ZBTB20: variants seen among roughly 807,000 people sequenced by gnomAD.
ZBTB20 encodes zinc finger and BTB domain containing 20, also known as zinc finger and BTB domain-containing protein 20.
A neutral mutation model predicts 56.9 loss-of-function variants in ZBTB20; 9 were observed. That is an observed-to-expected ratio of 0.16 (90% CI 0.10 to 0.28). The LOEUF (loss-of-function observed/expected upper bound fraction) is 0.28. ZBTB20 is among the 10% of genes least tolerant of loss of function. The pLI, the probability that ZBTB20 is intolerant of heterozygous loss-of-function variation, is 1.00. For synonymous variants in ZBTB20, 417 were observed against 420.7 expected (o/e 0.99, Z 0.11); for missense variants, 655 against 1,003.0 (o/e 0.65, Z 4.69).
rs1468645963 is a variant in ZBTB20, at chr3:115,061,723, C to T, written c.-507+9496G>A. ...AAATTAGAGTGTTCTTGTACACACA[C>T]ACAAGAGACCAAAAAAAATCAGAAC... is the stretch of plus-strand genomic sequence containing the variant. On this transcript the variant is annotated intron_variant, in intron 2 of 11. Transcript: ENST00000675478. 3.9e-5 allele frequency among the ~76,000 whole-genome samples: 6 copies of T among 152,036 alleles called. No individual in the cohort carries two copies. In the East Asian group the frequency reaches 1.2e-3, roughly 29 times the overall value.
chr3:114,386,447 A>C (rs2085136517), intron 8 of ZBTB20, among the ~76,000 whole-genome samples: 3 of 152,172 alleles, frequency 2.0e-5, no homozygotes, highest in Admixed American at 2.0e-4. Context: ...AAGGGACCTC[A>C]AGAGAGATAG....
At chr3:115,025,941 T>G (rs1310978272) in intron 2 of ZBTB20, among the ~76,000 whole-genome samples, 3 of 150,406 alleles carry the variant, frequency 2.0e-5, no homozygotes, top group Non-Finnish European at 4.5e-5. Flanking sequence ...TATACTAAAA[T>G]ACAGTACTAA....
intron 1 of ZBTB20, among the ~76,000 whole-genome samples, chr3:115,140,454 AT>A (rs2084780495): frequency 6.6e-6 from 1 of 152,118 alleles, no homozygotes; most frequent in Non-Finnish European, 1.5e-5. Flanking sequence ...TTTATGCTTT[AT>A]CTTAAATCAA....
chr3:114,892,589 T>C (rs1403672823), intron 4 of ZBTB20, among the ~76,000 whole-genome samples: 1 of 152,138 alleles, frequency 6.6e-6, no homozygotes, highest in East Asian at 1.9e-4. Flanking sequence ...GGATATAAGA[T>C]CTGGAGTGCT....
chr3:114,821,752 T>C (rs1185072231), intron 4 of ZBTB20, among the ~76,000 whole-genome samples: 2 of 152,094 alleles, frequency 1.3e-5, no homozygotes, highest in African/African-American at 4.8e-5. Flanking sequence ...GTGACATAGC[T>C]GATGGGTTAC....
chr3:114,439,717 C>T (rs2108950186), intron 7 of ZBTB20, among the ~76,000 whole-genome samples: 1 of 152,246 alleles, frequency 6.6e-6, no homozygotes, highest in South Asian at 2.1e-4. Context: ...TTGGCAGATG[C>T]CTAGGATGTC....
rs762420066 is a variant in ZBTB20, at chr3:114,380,866, G to A, written c.-79C>T. 1.4e-5 allele frequency: 18 copies of A among 1,314,104 alleles called. No individual in the cohort carries two copies. The highest frequency in any genetic ancestry group is 8.8e-5 in the South Asian group (5 of 56,624). The allele number at this position is 1,314,104 out of a possible 1,614,324, so 81.4% of individuals were successfully genotyped here. On this transcript the variant is annotated 5_prime_UTR_variant, in exon 9 of 12. The change creates a new upstream start codon in the 5' untranslated region. Transcript: ENST00000675478. Reference sequence around the variant, plus strand: ...TGGGAGTCAGGAGACTTGAGCTACCGTACTAGCTGTGCCTCTAACTTGCTG... The same window carrying A: ...TGGGAGTCAGGAGACTTGAGCTACCATACTAGCTGTGCCTCTAACTTGCTG...
At chr3:114,536,684 C>A (rs1308419089) in intron 6 of ZBTB20, among the ~76,000 whole-genome samples, 1 of 152,124 alleles carries the variant, frequency 6.6e-6, no homozygotes, top group Non-Finnish European at 1.5e-5. Flanking sequence ...ATAGCCAAGA[C>A]AATCCTAAGC....
intron 1 of ZBTB20, among the ~76,000 whole-genome samples, chr3:115,131,584 A>C (rs1218542647): frequency 6.6e-6 from 1 of 152,184 alleles, no homozygotes; most frequent in Non-Finnish European, 1.5e-5. Flanking sequence ...CAAAAAATAC[A>C]CATGTTCTTA....
At chr3:114,554,827 T>C (rs748556912) in intron 6 of ZBTB20, among the ~76,000 whole-genome samples, 11 of 152,176 alleles carry the variant, frequency 7.2e-5, no homozygotes, top group Admixed American at 7.2e-4. Flanking sequence ...CAAAGAACCT[T>C]ACCAAAGGAC....
intron 7 of ZBTB20, among the ~76,000 whole-genome samples, chr3:114,406,927 A>C (rs1360509225): frequency 1.3e-5 from 2 of 152,200 alleles, no homozygotes; most frequent in Non-Finnish European, 2.9e-5. Context: ...GTTTTCTTAA[A>C]CACAGTATGT....
intron 3 of ZBTB20, among the ~76,000 whole-genome samples, chr3:114,949,757 A>G (rs1300219837): frequency 2.6e-5 from 4 of 151,378 alleles, no homozygotes; most frequent in African/African-American, 9.8e-5. Context: ...ACAGAGTAAG[A>G]CTCTGTCTCA....
At chr3:114,426,696 A>G (rs1197937407) in intron 7 of ZBTB20, among the ~76,000 whole-genome samples, 2 of 152,190 alleles carry the variant, frequency 1.3e-5, no homozygotes, top group Admixed American at 1.3e-4. Context: ...CTTCATTCAG[A>G]TGATAACTTA....
intron 6 of ZBTB20, among the ~76,000 whole-genome samples, chr3:114,668,730 A>T (rs1182584848): frequency 2.6e-5 from 4 of 152,082 alleles, no homozygotes; most frequent in Non-Finnish European, 5.9e-5. Flanking sequence ...TCTGCCTTTC[A>T]GAAAGATCAC....
chr3:114,437,855 C>G (rs1418113813), intron 7 of ZBTB20, among the ~76,000 whole-genome samples: 1 of 152,098 alleles, frequency 6.6e-6, no homozygotes, highest in Non-Finnish European at 1.5e-5. Flanking sequence ...GACTAGGAGT[C>G]AGGAGGCCTA....
intron 1 of ZBTB20, among the ~76,000 whole-genome samples, chr3:115,116,605 G>A (rs2084026130): frequency 6.6e-6 from 1 of 151,932 alleles, no homozygotes; most frequent in Non-Finnish European, 1.5e-5. Flanking sequence ...CAAAGTGCAA[G>A]GCTCTAGTCA....
chr3:114,651,296 C>A (rs2060114884), intron 6 of ZBTB20, among the ~76,000 whole-genome samples: 1 of 151,774 alleles, frequency 6.6e-6, no homozygotes, highest in Non-Finnish European at 1.5e-5. Flanking sequence ...GAAGACAAGA[C>A]CTGATGGCAC....
intron 5 of ZBTB20, among the ~76,000 whole-genome samples, chr3:114,794,100 C>T (rs1297625598): frequency 1.3e-5 from 2 of 151,708 alleles, no homozygotes; most frequent in African/African-American, 4.8e-5. Context: ...TAATACAAAC[C>T]TCACTTACTG....
chr3:115,010,491 C>T (rs2079654712), intron 2 of ZBTB20, among the ~76,000 whole-genome samples: 1 of 151,896 alleles, frequency 6.6e-6, no homozygotes, highest in Non-Finnish European at 1.5e-5. Flanking sequence ...GGAAAGAGAA[C>T]AAGAGTCTCT....
Sources: allele counts gnomAD v4.1 joint callset (sites outside exome capture counted in the v4.1 genomes callset), GRCh38; gene constraint gnomAD v4.1.1; transcripts MANE v1.5; gene names NCBI Gene and HGNC (gene_info 2026-07-23, HGNC 2026-07-21).